NFATC2: variants seen among roughly 807,000 people sequenced by gnomAD.
The protein encoded by NFATC2 is nuclear factor of activated T cells 2.
NFATC2 carries 22 observed loss-of-function variants against 87.3 expected under a neutral mutation model. That is an observed-to-expected ratio of 0.25 (90% CI 0.18 to 0.36). The LOEUF (loss-of-function observed/expected upper bound fraction) is 0.36. Among genes scored for constraint, NFATC2 ranks in the 10% least tolerant of loss-of-function variants. The pLI is 1.00. For missense variants in NFATC2, 1,149 were observed against 1,259.1 expected, an observed-to-expected ratio of 0.91 and a Z score of 1.32; for synonymous variants, 565 against 542.2, an observed-to-expected ratio of 1.04 and a Z score of -0.58.
intron 1 of NFATC2, among the ~76,000 whole-genome samples, chr20:51,534,215 C>T (rs558759059): frequency 4.5e-4 from 58 of 129,002 alleles, no homozygotes; most frequent in Non-Finnish European, 8.6e-4. Flanking sequence ...CAGGGCAAAG[C>T]TTGCATTCAA....
At chr20:51,470,351 G>A (rs1024041591) in intron 5 of NFATC2, among the ~76,000 whole-genome samples, 1 of 152,168 alleles carries the variant, frequency 6.6e-6, no homozygotes, top group Non-Finnish European at 1.5e-5. Flanking sequence ...AGTGGAAACA[G>A]AAGACTGGAA....
At position 51,454,525 on chromosome 20, in the gene NFATC2, A is replaced by G. The variant is rs779100043; in HGVS notation, c.1849+23T>C. ...TTTTGCATGATTCTGGGGGACAGAG[A>G]AAGAGCTCAAAAATCCACTGACCTG... On this transcript the variant is annotated intron_variant, in intron 6 of 10. Coordinates refer to ENST00000371564, the MANE Select transcript of NFATC2 (RefSeq NM_012340.5). 5.6e-6 allele frequency: 9 copies of G among 1,613,072 alleles called. No individual in the cohort carries two copies. The South Asian group carries it at 6.6e-5, about 12-fold the overall frequency.
chr20:51,406,756 C>T (rs1978373830), intron 9 of NFATC2, among the ~76,000 whole-genome samples: 1 of 152,198 alleles, frequency 6.6e-6, no homozygotes, highest in Non-Finnish European at 1.5e-5. Context: ...AAGCCATCCT[C>T]TCTAGAGAGG....
chr20:51,442,622 A>G (rs1984504684), intron 6 of NFATC2, among the ~76,000 whole-genome samples: 1 of 152,048 alleles, frequency 6.6e-6, no homozygotes, highest in Non-Finnish European at 1.5e-5. Flanking sequence ...TGAGACCTTC[A>G]TGCCTTTCTT....
chr20:51,446,476 G>A (rs1383547304), intron 6 of NFATC2, among the ~76,000 whole-genome samples: 2 of 152,160 alleles, frequency 1.3e-5, no homozygotes, highest in Non-Finnish European at 1.5e-5. Flanking sequence ...CGAGTCTGCT[G>A]GGTGATTCAA....
chr20:51,404,956 A>C (rs751024401), intron 9 of NFATC2, among the ~76,000 whole-genome samples: 2 of 152,164 alleles, frequency 1.3e-5, no homozygotes, highest in Non-Finnish European at 2.9e-5. Context: ...GAAAGATGCC[A>C]CACCACGTGC....
intron 5 of NFATC2, among the ~76,000 whole-genome samples, chr20:51,470,892 G>T (rs1290148542): frequency 6.6e-6 from 1 of 152,138 alleles, no homozygotes; most frequent in Non-Finnish European, 1.5e-5. Context: ...CCAACTGGTA[G>T]CTCAGCTTGG....
chr20:51,540,658 G>GTTTTTTTTTTTTTTTTTTTT (rs397864888), intron 1 of NFATC2, among the ~76,000 whole-genome samples: 3 of 110,054 alleles, frequency 2.7e-5, no homozygotes, highest in African/African-American at 3.7e-5. Context: ...TTTTTTTTTT[G>GTTTTTTTTTTTTTTTTTTTT]TTTTTTTTTT....
intron 3 of NFATC2, among the ~76,000 whole-genome samples, chr20:51,515,309 C>T (rs530421800): frequency 1.5e-4 from 23 of 152,150 alleles, no homozygotes; most frequent in Non-Finnish European, 2.8e-4. Flanking sequence ...GGAATTCCAG[C>T]CCACCAGATT....
chr20:51,474,818 G>A (rs1229517828), intron 4 of NFATC2, among the ~76,000 whole-genome samples: 1 of 151,752 alleles, frequency 6.6e-6, no homozygotes, highest in Non-Finnish European at 1.5e-5. Context: ...TGTGAATTTG[G>A]GCCTCTCTGC....
At chr20:51,401,426 G>A (rs1232254184) in intron 9 of NFATC2, among the ~76,000 whole-genome samples, 1 of 152,130 alleles carries the variant, frequency 6.6e-6, no homozygotes, top group Non-Finnish European at 1.5e-5. Context: ...AGATGGAAGA[G>A]AAAGAGACAA....
chr20:51,524,204 T>C lies in NFATC2; in HGVS notation c.131-94A>G. The C allele has an allele frequency of 1.7e-6, 2 of 1,208,096 alleles. No individual in the cohort carries two copies. The highest frequency in any genetic ancestry group is 2.2e-6 in the Non-Finnish European group (2 of 926,656). The allele number at this position is 1,208,096 out of a possible 1,614,324, so 74.8% of individuals were successfully genotyped here. ...ACAGGCTGGATTTCGTCTCACGTCG[T>C]TTATTTTTTTCAAATTCCCACCATG... is the stretch of plus-strand genomic sequence containing the variant. On this transcript the variant is annotated intron_variant, in intron 1 of 10. Coordinates refer to ENST00000371564, the MANE Select transcript of NFATC2 (RefSeq NM_012340.5). The surrounding 1 kb of genome is among the most constrained non-coding windows in gnomAD (Gnocchi z 4.0).
chr20:51,488,863 T>A (rs1010775160), intron 3 of NFATC2, among the ~76,000 whole-genome samples: 1 of 152,088 alleles, frequency 6.6e-6, no homozygotes. Context: ...CTTCCCTACT[T>A]AAAATCCCCC....
intron 3 of NFATC2, among the ~76,000 whole-genome samples, chr20:51,508,552 C>T (rs975651247): frequency 6.6e-6 from 1 of 151,982 alleles, no homozygotes; most frequent in South Asian, 2.1e-4. Context: ...CCTCAAAAGT[C>T]GGCCTCAGAA....
intron 10 of NFATC2, among the ~76,000 whole-genome samples, chr20:51,392,774 G>A (rs973926508): frequency 1.3e-4 from 20 of 152,262 alleles, no homozygotes; most frequent in African/African-American, 4.1e-4. Flanking sequence ...AGAGTTGCCC[G>A]AAGTTTCTCC....
At chr20:51,559,805 C>T (rs1350766267) in intron 1 of NFATC2, among the ~76,000 whole-genome samples, 1 of 152,224 alleles carries the variant, frequency 6.6e-6, no homozygotes, top group Non-Finnish European at 1.5e-5. Context: ...CTATCCTCAA[C>T]TGTCAGACAA....
intron 9 of NFATC2, 85 bp from the exon 10 acceptor site, chr20:51,398,815 T>A (rs1381839107): frequency 2.1e-6 from 2 of 931,274 alleles, no homozygotes; most frequent in Non-Finnish European, 3.4e-6. Flanking sequence ...CATGCCGATA[T>A]CATCCAAGCC....
At chr20:51,556,156 C>T (rs2076976278) in intron 1 of NFATC2, among the ~76,000 whole-genome samples, 1 of 152,206 alleles carries the variant, frequency 6.6e-6, no homozygotes, top group South Asian at 2.1e-4. Context: ...CCAGGAGCCA[C>T]TGGAAGCTGG....
intron 10 of NFATC2, among the ~76,000 whole-genome samples, chr20:51,397,033 G>GTAGCGTAGCTGGGATTACA (rs71192525): frequency 0.65 from 98,657 of 151,582 alleles, 33,719 homozygotes; most frequent in African/African-American, 0.88. Flanking sequence ...AACCTCCTAA[G>GTAGCGTAGCTGGGATTACA]GGAACCTGCC....
Sources: gnomAD v4.1 joint callset for allele counts (sites outside exome capture counted in the v4.1 genomes callset) on GRCh38, gnomAD v4.1.1 for gene constraint, Gnocchi (gnomAD v3.1) non-coding constraint, MANE v1.5 for transcripts, NCBI Gene and HGNC (gene_info 2026-07-23, HGNC 2026-07-21) for gene names.